Variants in CADM2 observed in about 807,000 individuals in gnomAD.
The protein encoded by CADM2 is cell adhesion molecule 2.
In CADM2, 12 loss-of-function variants were observed where a neutral mutation model predicts 49.8. The ratio of observed to expected loss-of-function variants is 0.24; its 90% confidence interval spans 0.15 to 0.39. CADM2 has a LOEUF of 0.39. Among genes scored for constraint, CADM2 ranks in the 10% least tolerant of loss-of-function variants. The pLI is 1.00. For synonymous variants in CADM2, 214 were observed against 175.4 expected (o/e 1.22, Z -1.74); for missense variants, 378 against 492.3 (o/e 0.77, Z 2.20).
At chr3:85,301,601 G>A (rs1468717990) in intron 1 of CADM2, among the ~76,000 whole-genome samples, 5 of 151,918 alleles carry the variant, frequency 3.3e-5, no homozygotes, top group African/African-American at 9.7e-5. Flanking sequence ...AGTGGGTGGG[G>A]GGCTGACTTC....
rs115975727 is a variant in CADM2, at chr3:85,861,166, G to A, written c.239-22125G>A. ...GTTGCGTTGAGAATAGACTATAGAA[G>A]GTAACCAGAAAGGTCAGTTAGGAGT... is the stretch of plus-strand genomic sequence containing the variant. On this transcript the variant is annotated intron_variant, in intron 3 of 9. Transcript: ENST00000383699. Among the ~76,000 whole-genome samples, 234 of 152,202 alleles carry A rather than the reference G, an allele frequency of 1.5e-3. 1 individual carries two copies. Among genetic ancestry groups the A allele is most frequent in the African/African-American group, 5.2e-3 (218 of 41,532 alleles).
At chr3:85,682,659 A>T (rs975363636) in intron 1 of CADM2, among the ~76,000 whole-genome samples, 1 of 151,982 alleles carries the variant, frequency 6.6e-6, no homozygotes, top group East Asian at 1.9e-4. Context: ...AGAACACTAA[A>T]TTTTTCTAGT....
At chr3:85,565,628 G>C (rs1450349640) in intron 1 of CADM2, among the ~76,000 whole-genome samples, 2 of 151,900 alleles carry the variant, frequency 1.3e-5, no homozygotes, top group Non-Finnish European at 2.9e-5. Flanking sequence ...GTCTCTCTAA[G>C]AGGAAAAAAA....
intron 1 of CADM2, among the ~76,000 whole-genome samples, chr3:85,705,451 G>T (rs1313245439): frequency 6.6e-6 from 1 of 152,114 alleles, no homozygotes; most frequent in Non-Finnish European, 1.5e-5. Flanking sequence ...TCCTATATGT[G>T]ATATTGAATG....
At chr3:85,688,462 T>C (rs1212387502) in intron 1 of CADM2, among the ~76,000 whole-genome samples, 1 of 152,114 alleles carries the variant, frequency 6.6e-6, no homozygotes, top group African/African-American at 2.4e-5. Flanking sequence ...ATATCAAGTG[T>C]TGGAGAAGAT....
Position 85,602,677 on chromosome 3 carries a change from A to C in CADM2, c.62-123845A>C, listed in dbSNP as rs188127388. On this transcript the variant is annotated intron_variant, in intron 1 of 9. Transcript: ENST00000383699. ...GATTCTTATACACCCACTTAATCTA[A>C]GTTCAAAATATAATCCTGCAAAATA... is the stretch of plus-strand genomic sequence containing the variant. Among the ~76,000 whole-genome samples, 395 of 151,902 alleles carry C rather than the reference A, an allele frequency of 2.6e-3. 6 individuals carry two copies. The highest frequency in any genetic ancestry group is 0.021 in the Admixed American group (313 of 15,180).
intron 1 of CADM2, among the ~76,000 whole-genome samples, chr3:84,998,838 AAT>A (rs1303534120): frequency 1.3e-5 from 2 of 152,190 alleles, no homozygotes. Context: ...TGTGAGTTAT[AAT>A]AGCTTTCATT....
chr3:85,383,503 CAT>C (rs1241135851), intron 1 of CADM2, among the ~76,000 whole-genome samples: 2 of 109,226 alleles, frequency 1.8e-5, no homozygotes, highest in African/African-American at 6.7e-5. Context: ...TACATAAAAC[CAT>C]ATATATATAT....
chr3:85,460,150 T>C (rs571380882), intron 1 of CADM2, among the ~76,000 whole-genome samples: 14 of 152,270 alleles, frequency 9.2e-5, no homozygotes, highest in South Asian at 8.3e-4. Flanking sequence ...AGTGTTTGTA[T>C]GTTTTTAATT....
intron 8 of CADM2, chr3:86,013,260 A>C: frequency 6.7e-7 from 1 of 1,491,604 alleles, no homozygotes; most frequent in Non-Finnish European, 9.3e-7. Flanking sequence ...TCAGAACCCC[A>C]GTGAAGAAGA....
At chr3:84,980,856 T>C (rs2032132883) in intron 1 of CADM2, among the ~76,000 whole-genome samples, 1 of 152,146 alleles carries the variant, frequency 6.6e-6, no homozygotes. Flanking sequence ...TCAATAAATT[T>C]TGGAGATACT....
chr3:85,924,674 A>G (rs1446621486), intron 6 of CADM2, among the ~76,000 whole-genome samples: 2 of 152,172 alleles, frequency 1.3e-5, no homozygotes, highest in Admixed American at 6.5e-5. Context: ...CTGTATTTTT[A>G]CTGCTACCTT....
intron 7 of CADM2, among the ~76,000 whole-genome samples, chr3:85,959,853 A>G (rs577781493): frequency 3.8e-4 from 58 of 151,914 alleles, no homozygotes; most frequent in Non-Finnish European, 6.9e-4. Context: ...GTTTGTGTAA[A>G]TGTAGTCTAT....
At chr3:84,976,791 T>G (rs1436858641) in intron 1 of CADM2, among the ~76,000 whole-genome samples, 2 of 151,950 alleles carry the variant, frequency 1.3e-5, no homozygotes. Context: ...CCACTGACTA[T>G]TAGTAATCAA....
chr3:85,341,709 AC>A (rs1396953116), intron 1 of CADM2, among the ~76,000 whole-genome samples: 1 of 151,982 alleles, frequency 6.6e-6, no homozygotes, highest in African/African-American at 2.4e-5. Context: ...TCAAAAACAC[AC>A]AAAAAAAGAG....
At chr3:85,695,918 A>T (rs1360028805) in intron 1 of CADM2, among the ~76,000 whole-genome samples, 2 of 151,862 alleles carry the variant, frequency 1.3e-5, no homozygotes, top group Admixed American at 6.6e-5. Flanking sequence ...GCCAACATCA[A>T]TTTTTTTTCT....
intron 1 of CADM2, among the ~76,000 whole-genome samples, chr3:85,355,568 T>TA (rs1440109971): frequency 6.6e-6 from 1 of 152,128 alleles, no homozygotes; most frequent in Non-Finnish European, 1.5e-5. Flanking sequence ...CATGGGTTCT[T>TA]ACTTTGTGCC....
chr3:85,277,014 GTTAATC>G (rs1283727881), intron 1 of CADM2, among the ~76,000 whole-genome samples: 2 of 151,216 alleles, frequency 1.3e-5, no homozygotes, highest in Non-Finnish European at 1.5e-5. Context: ...CTTTATGATT[GTTAATC>G]TTAAGCTAAT....
At chr3:85,180,514 G>GAAA (rs58932967) in intron 1 of CADM2, among the ~76,000 whole-genome samples, 92 of 77,284 alleles carry the variant, frequency 1.2e-3, no homozygotes, top group African/African-American at 1.8e-3. Context: ...GTCTCAAAAA[G>GAAA]AAAAAAAAAA....
Sources: gnomAD v4.1 joint callset for allele counts (sites outside exome capture counted in the v4.1 genomes callset) on GRCh38, gnomAD v4.1.1 for gene constraint, MANE v1.5 for transcripts, NCBI Gene and HGNC (gene_info 2026-07-23, HGNC 2026-07-21) for gene names.